Variants in SMUG1 observed in about 807,000 individuals in gnomAD.
SMUG1 encodes single-strand-selective monofunctional uracil-DNA glycosylase 1.
A neutral mutation model predicts 23.9 loss-of-function variants in SMUG1; 13 were observed. The observed-to-expected ratio is 0.54, with a 90% CI of 0.35 to 0.86. The LOEUF (loss-of-function observed/expected upper bound fraction) is 0.86, where lower values mean the gene tolerates loss of function less well. Among genes scored for constraint, SMUG1 ranks in the 40% least tolerant of loss-of-function variants. SMUG1 has a pLI of 0.01. For synonymous variants in SMUG1, 133 were observed against 139.8 expected (o/e 0.95, Z 0.34); for missense variants, 313 against 339.5 (o/e 0.92, Z 0.61).
chr12:54,182,905 T>A (rs1183845359), intron 3 of SMUG1: 2 of 432,538 alleles, frequency 4.6e-6, no homozygotes, highest in Non-Finnish European at 8.0e-6. Context: ...TATCTAGCCC[T>A]ACACAGGGTT....
intron 2 of SMUG1, among the ~76,000 whole-genome samples, chr12:54,174,814 C>G (rs1303047217): frequency 6.6e-6 from 1 of 152,210 alleles, no homozygotes; most frequent in Non-Finnish European, 1.5e-5. Context: ...ACAAGATGTA[C>G]AGGAAAATTC....
At chr12:54,186,562 G>A (rs1055484286) in intron 2 of SMUG1, among the ~76,000 whole-genome samples, 8 of 151,984 alleles carry the variant, frequency 5.3e-5, no homozygotes, top group South Asian at 2.1e-4. Context: ...GGCTGGTCTC[G>A]AACTCCTGAC....
intron 3 of SMUG1, 51 bp from the exon 4 acceptor site, chr12:54,182,674 C>T (rs1941388578): frequency 1.3e-6 from 2 of 1,556,326 alleles, no homozygotes; most frequent in Admixed American, 1.9e-5. Flanking sequence ...GACCTGAGGC[C>T]CGGGCTCTGG....
chr12:54,182,832 G>C (rs1368359279), intron 3 of SMUG1: 3 of 1,033,424 alleles, frequency 2.9e-6, no homozygotes, highest in Non-Finnish European at 4.0e-6. Flanking sequence ...CCGTGGTCCA[G>C]AAGAATTTGT....
In SMUG1 at chr12:54,181,662, G is replaced by C. The variant is rs1941102818; in HGVS notation, c.*434C>G. ...TGTCTTGGTCCCTGTGAGGAAAGGG[G>C]TCAGCTAAAGGTAACTGTTCTATAA... On this transcript the variant is annotated 3_prime_UTR_variant, in exon 4 of 4. Coordinates refer to ENST00000682136, the MANE Select transcript of SMUG1 (RefSeq NM_001243787.2). The C allele has an allele frequency of 6.3e-7, 1 of 1,588,494 alleles. No homozygotes were observed. The highest frequency in any genetic ancestry group is 2.2e-5 in the East Asian group (1 of 44,760).
chr12:54,179,774 G>A (rs902073593), downstream of SMUG1, among the ~76,000 whole-genome samples: 4 of 152,124 alleles, frequency 2.6e-5, no homozygotes, highest in South Asian at 8.3e-4. Context: ...CCTGAGGTTG[G>A]AGAATTTCCT....
At chr12:54,177,563 C>A (rs908736879), downstream of SMUG1, among the ~76,000 whole-genome samples, 32 of 151,998 alleles carry the variant, frequency 2.1e-4, no homozygotes, top group Admixed American at 1.9e-3. Context: ...CTACAAAAGT[C>A]TAGATGACAC....
chr12:54,158,651 G>A (rs1450347274), intron 4 of SMUG1, among the ~76,000 whole-genome samples: 1 of 152,060 alleles, frequency 6.6e-6, no homozygotes, highest in African/African-American at 2.4e-5. Context: ...GGCCAGACCT[G>A]GAGCCTCCCA....
intron 2 of SMUG1, 123 bp from the exon 3 acceptor site, chr12:54,184,082 G>A (rs1413160887): frequency 6.5e-6 from 5 of 771,596 alleles, no homozygotes; most frequent in Non-Finnish European, 9.8e-6. Flanking sequence ...GACCATGTCA[G>A]TCATCTACCA....
chr12:54,161,458 G>T (rs557718693), downstream of SMUG1, among the ~76,000 whole-genome samples: 9 of 152,120 alleles, frequency 5.9e-5, no homozygotes, highest in Non-Finnish European at 1.2e-4. The surrounding 1 kb of genome is among the most constrained non-coding windows in gnomAD (Gnocchi z 4.2). Flanking sequence ...AGGCACCAGG[G>T]GAGGGCAGAG....
Position 54,182,614 on chromosome 12 carries a change from C to T in SMUG1, c.295G>A (p.Gly99Arg). The T allele has an allele frequency of 6.2e-7, 1 of 1,607,816 alleles. No homozygotes were observed. The highest frequency in any genetic ancestry group is 8.5e-7 in the Non-Finnish European group (1 of 1,176,456). The change falls in exon 4 of 4, where the codon GGG (glycine) becomes AGG (arginine). Residue 99 changes from glycine (G) to arginine (R), a missense_variant. Transcript: ENST00000682136. ...FGMAQTGVPF[G>R]EVSMVRDWLG... ...CAGTCCCGGACCATGCTTACTTCCC[C>T]AAAGGGCACCTGTGAGGAAGGAGAG... is the stretch of plus-strand genomic sequence containing the variant.
At chr12:54,171,957 C>A in intron 3 of SMUG1, 2 of 402,712 alleles carry the variant, frequency 5.0e-6, no homozygotes, top group South Asian at 1.7e-5. Flanking sequence ...CAAAATGTAT[C>A]AAAAATTTGA....
downstream of SMUG1, among the ~76,000 whole-genome samples, chr12:54,177,572 A>G (rs1940788420): frequency 2.0e-5 from 3 of 152,304 alleles, no homozygotes; most frequent in East Asian, 5.8e-4. Context: ...TCTAGATGAC[A>G]CCAAATTATT....
rs1941056874 is a variant in SMUG1 at position 54,181,471 on chromosome 12, T to C, written c.*625A>G. 7.9e-7 allele frequency: 1 copy of C among 1,273,614 alleles called. No individual in the cohort carries two copies. The highest frequency in any genetic ancestry group is 1.3e-5 in the South Asian group (1 of 78,168). The allele number at this position is 1,273,614 out of a possible 1,614,324, so 78.9% of individuals were successfully genotyped here. Reference sequence around the variant, plus strand: ...ATCCCTGTTTTACAGATGAGGAGCCTGAGGCATAGAGAGGTTTATTAATTT... The same window carrying C: ...ATCCCTGTTTTACAGATGAGGAGCCCGAGGCATAGAGAGGTTTATTAATTT... On this transcript the variant is annotated 3_prime_UTR_variant, in exon 4 of 4. Coordinates refer to ENST00000682136, the MANE Select transcript of SMUG1 (RefSeq NM_001243787.2).
chr12:54,179,804 A>G (rs1035151999), downstream of SMUG1, among the ~76,000 whole-genome samples: 4 of 152,188 alleles, frequency 2.6e-5, no homozygotes, highest in African/African-American at 9.7e-5. Flanking sequence ...CACGGAACTC[A>G]GGAAAACTCT....
At chr12:54,168,695 C>A (rs1168856972) in intron 3 of SMUG1, 2 of 152,204 alleles carry the variant, frequency 1.3e-5, no homozygotes, top group Non-Finnish European at 2.9e-5. Flanking sequence ...ATGTTCCCTA[C>A]CTGGCCTGTT....
chr12:54,165,292 T>C (rs898670748), intron 4 of SMUG1: 1 of 152,206 alleles, frequency 6.6e-6, no homozygotes, highest in African/African-American at 2.4e-5. Context: ...GAAAAAATCA[T>C]ACAGCAGCTG....
chr12:54,161,802 C>G (rs1486524939), downstream of SMUG1, among the ~76,000 whole-genome samples: 1 of 152,226 alleles, frequency 6.6e-6, no homozygotes, highest in Non-Finnish European at 1.5e-5. The surrounding 1 kb of genome is among the most constrained non-coding windows in gnomAD (Gnocchi z 4.2). Flanking sequence ...GGCAGAAAGT[C>G]CCCTGTCAGC....
intron 4 of SMUG1, among the ~76,000 whole-genome samples, chr12:54,158,769 C>T (rs1048505361): frequency 3.3e-5 from 5 of 152,128 alleles, no homozygotes; most frequent in African/African-American, 1.2e-4. Context: ...CTAACTCCAG[C>T]CTACTTCTGC....
Sources: gnomAD v4.1 joint callset for allele counts (sites outside exome capture counted in the v4.1 genomes callset) on GRCh38, gnomAD v4.1.1 for gene constraint, Gnocchi (gnomAD v3.1) non-coding constraint, MANE v1.5 for transcripts, NCBI Gene and HGNC (gene_info 2026-07-23, HGNC 2026-07-21) for gene names.